Variants in CILP observed in about 807,000 individuals in gnomAD.
The protein encoded by CILP is cartilage intermediate layer protein 1.
Under a neutral mutation model 82.5 loss-of-function variants are expected in CILP, and 75 were observed. The observed-to-expected ratio is 0.91, with a 90% CI of 0.75 to 1.10. The LOEUF (loss-of-function observed/expected upper bound fraction) is 1.10. CILP is among the 50% of genes least tolerant of loss of function. CILP has a pLI of 0.00. For synonymous variants in CILP, 530 were observed against 580.3 expected, an observed-to-expected ratio of 0.91 and a Z score of 1.25; for missense variants, 1,479 against 1,530.8, an observed-to-expected ratio of 0.97 and a Z score of 0.56.
At chr15:65,204,741 A>T (rs1021483704) in intron 5 of CILP, among the ~76,000 whole-genome samples, 159 bp from the exon 6 acceptor site, 10 of 152,182 alleles carry the variant, frequency 6.6e-5, no homozygotes, top group African/African-American at 2.4e-4. Flanking sequence ...TCCCAAGGCC[A>T]GGCGTGGTGG....
At position 65,197,425 on chromosome 15, in the gene CILP, C is replaced by A; in HGVS notation, c.2861G>T (p.Cys954Phe). 1 of 1,614,260 alleles carries A rather than the reference C, an allele frequency of 6.2e-7. No homozygotes were observed. The highest frequency in any genetic ancestry group is 1.3e-5 in the African/African-American group (1 of 75,072). ...CCCCACAATCTTCACCTTGATATAG[C>A]AGGCCCTGAATTCCATCGGCTTTGG... ...WWPKPMEFRA[C>F]YIKVKIVGPL... is the part of the protein sequence containing the mutation. Residue 954 changes from cysteine (C) to phenylalanine (F), a missense_variant, in exon 9 of 9, where the codon TGC becomes TTC. Physicochemically the swap from Cys to Phe is radical, Grantham distance 205 (BLOSUM62 -2). Transcript: ENST00000261883.
rs576849274 is a variant in CILP, at chr15:65,196,539, G to C, written c.*192C>G. On this transcript the variant is annotated 3_prime_UTR_variant, in exon 9 of 9. Coordinates refer to ENST00000261883, the MANE Select transcript of CILP (RefSeq NM_003613.4). ...ATTTAAAGAACAGTTTCACAAAGGG[G>C]CTTTATTGTGCCATTGTGGGGGCCA... 6 of 477,982 alleles carry C rather than the reference G, an allele frequency of 1.3e-5. No individual in the cohort carries two copies. Among genetic ancestry groups the C allele is most frequent in the Non-Finnish European group, 2.2e-5 (6 of 275,870 alleles). The allele number at this position is 477,982 out of a possible 1,614,324, so 29.6% of individuals were successfully genotyped here. A position where few individuals can be genotyped will look rare whatever the true frequency, so the allele number is the denominator to read the frequency against.
rs1246601271 is a variant in CILP at position 65,203,390 on chromosome 15, C to G, written c.1000G>C (p.Gly334Arg). 6.2e-7 allele frequency: 1 copy of G among 1,613,566 alleles called. No individual in the cohort carries two copies. Reference protein sequence around the residue: ...QSVSLCCKATGKPRPDKYFWY... With the variant: ...QSVSLCCKATRKPRPDKYFWY... ...AAATACTTGTCTGGCCTGGGCTTCC[C>G]TGTGGCCTTACAGCACAGAGACACG... Residue 334 changes from glycine (G) to arginine (R), a missense_variant, in exon 7 of 9, where the codon GGG becomes CGG. Gly to Arg is a moderately radical substitution (Grantham distance 125, BLOSUM62 -2). Coordinates refer to ENST00000261883, the MANE Select transcript of CILP (RefSeq NM_003613.4).
Position 65,198,152 on chromosome 15 carries a change from C to T in CILP, c.2134G>A (p.Gly712Ser), listed in dbSNP as rs1450704476. The change falls in exon 9 of 9, where the codon GGT (glycine) becomes AGT (serine). Residue 712 changes from glycine to serine, a missense_variant. Transcript: ENST00000261883. ...CTTTGATTTTCAAATTTGAAATCAC[C>T]TTCCTCCTCCCACAGCCCTGTGTCT... ...NPDTGLWEEE[G>S]DFKFENQRRN... The T allele has an allele frequency of 3.7e-6, 6 of 1,614,090 alleles. No individual in the cohort carries two copies. In the East Asian group the frequency reaches 6.7e-5, roughly 18 times the overall value.
chr15:65,206,726 C>G, intron 4 of CILP, 56 bp downstream of exon 4: 1 of 1,559,752 alleles, frequency 6.4e-7, no homozygotes, highest in Non-Finnish European at 8.7e-7. Context: ...TTCTCCCTCT[C>G]CCTGAGTAGA....
At position 65,205,482 on chromosome 15, in the gene CILP, A is replaced by G; in HGVS notation, c.425-16T>C. On this transcript the variant is annotated splice_polypyrimidine_tract_variant and intron_variant, in intron 4 of 8. Transcript: ENST00000261883. ...CGCAGGGATCCTGCAAAGTGAGATC[A>G]GCAGACGGTCTGATTTCCCTCTTGA... The G allele has an allele frequency of 1.9e-6, 3 of 1,582,960 alleles. No individual in the cohort carries two copies. Among genetic ancestry groups the G allele is most frequent in the Non-Finnish European group, 2.6e-6 (3 of 1,157,848 alleles).
intron 6 of CILP, 57 bp downstream of exon 6, chr15:65,204,210 TC>T: frequency 6.7e-7 from 1 of 1,499,786 alleles, no homozygotes; most frequent in Middle Eastern, 1.7e-4. Context: ...AGCACTATAA[TC>T]CCTTTATTTA....
rs112257464 is a variant in CILP, at chr15:65,207,616, C to T, written c.154+56G>A. ...ATGCCCTGGCTTCAGAGATCCACTTCGGAAGCTCGTTAAAGGCTGCCCCTC... is the reference window on the plus strand; with the variant it reads ...ATGCCCTGGCTTCAGAGATCCACTTTGGAAGCTCGTTAAAGGCTGCCCCTC... On this transcript the variant is annotated intron_variant, in intron 3 of 8. Coordinates refer to ENST00000261883, the MANE Select transcript of CILP (RefSeq NM_003613.4). 3.5e-4 allele frequency: 523 copies of T among 1,495,008 alleles called. 6 individuals carry two copies. The African/African-American group carries it at 5.5e-3, about 16-fold the overall frequency. 92.6% of individuals were successfully genotyped at this position (1,495,008 alleles called of 1,614,324 possible).
rs762763739 is a variant in CILP, at chr15:65,206,836, G to A, written c.370C>T (p.Gln124Ter). The change falls in exon 4 of 9, where the codon CAG becomes TAG. Residue 124 changes from glutamine to a stop codon, truncating the protein, a stop_gained. Transcript: ENST00000261883. LOFTEE classifies it high-confidence loss of function. ...REGFWCLNRE[Q>*]RPGQNCSNYT... ...TTAGAGCAGTTCTGGCCAGGCCGCT[G>A]CTCCCTGTTGAGGCACCAGAAACCC... is the stretch of plus-strand genomic sequence containing the variant. 10 of 1,614,032 alleles carry A rather than the reference G, an allele frequency of 6.2e-6. No individual in the cohort carries two copies. In the South Asian group the frequency reaches 9.9e-5, roughly 16 times the overall value.
chr15:65,203,117 G>A (rs112407044), intron 7 of CILP, among the ~76,000 whole-genome samples: 51 of 152,250 alleles, frequency 3.3e-4, no homozygotes, highest in African/African-American at 1.2e-3. Context: ...GATTACAGGC[G>A]TGAGCTACTG....
intron 2 of CILP, among the ~76,000 whole-genome samples, chr15:65,208,406 G>A (rs1280095959): frequency 6.6e-6 from 1 of 152,126 alleles, no homozygotes; most frequent in African/African-American, 2.4e-5. Flanking sequence ...TCCTGCCTTA[G>A]AGTATTGTGG....
chr15:65,196,496 G>T lies in CILP; in HGVS notation c.*235C>A. 1 of 427,040 alleles carries T rather than the reference G, an allele frequency of 2.3e-6. No individual in the cohort carries two copies. Among genetic ancestry groups the T allele is most frequent in the Non-Finnish European group, 4.1e-6 (1 of 242,310 alleles). The allele number at this position is 427,040 out of a possible 1,614,324, so 26.5% of individuals were successfully genotyped here. A position where few individuals can be genotyped will look rare whatever the true frequency, so the allele number is the denominator to read the frequency against. On this transcript the variant is annotated 3_prime_UTR_variant, in exon 9 of 9. Coordinates refer to ENST00000261883, the MANE Select transcript of CILP (RefSeq NM_003613.4). Reference sequence around the variant, plus strand: ...TTGAAGCTGCAGAGTTTTACCAGTGGCCAATTTCTTGTGTTTCATTTAAAG... The same window carrying T: ...TTGAAGCTGCAGAGTTTTACCAGTGTCCAATTTCTTGTGTTTCATTTAAAG...
In CILP at chr15:65,209,690, T is replaced by G. The variant is rs1448403262; in HGVS notation, c.61+5A>C. The G allele has an allele frequency of 2.5e-6, 4 of 1,613,800 alleles. No individual in the cohort carries two copies. The Admixed American group carries it at 5.0e-5, about 20-fold the overall frequency. On this transcript the variant is annotated splice_donor_5th_base_variant and intron_variant, in intron 2 of 8. Transcript: ENST00000261883. ...TTTGGGAGCCAGCAGATACTTAGCC[T>G]ATACCCAACACAGATGTGACTTCCA...
chr15:65,211,425 C>T lies in CILP; in HGVS notation c.-107+3G>A, dbSNP rs1337948314. 1.3e-5 allele frequency: 2 copies of T among 152,552 alleles called. No homozygotes were observed. The highest frequency in any genetic ancestry group is 4.8e-5 in the African/African-American group (2 of 41,388). 9.4% of individuals were successfully genotyped at this position (152,552 alleles called of 1,614,324 possible). On this transcript the variant is annotated splice_donor_region_variant and intron_variant, in intron 1 of 8. Coordinates refer to ENST00000261883, the MANE Select transcript of CILP (RefSeq NM_003613.4). The stretch of plus-strand genomic sequence containing the variant: ...GGGTGAGGGGAATAGGAGTGGAGCT[C>T]ACCGTGTCTTGAGCAGGACTCCTCA...
chr15:65,208,510 G>A (rs576651730), intron 2 of CILP, among the ~76,000 whole-genome samples: 1 of 152,164 alleles, frequency 6.6e-6, no homozygotes, highest in African/African-American at 2.4e-5. Context: ...TTAGCTCAAC[G>A]CCAGAATAGA....
Position 65,206,958 on chromosome 15 carries a change from T to A in CILP, c.248A>T (p.Asp83Val). 1 of 1,613,972 alleles carries A rather than the reference T, an allele frequency of 6.2e-7. No homozygotes were observed. The highest frequency in any genetic ancestry group is 8.5e-7 in the Non-Finnish European group (1 of 1,179,988). Residue 83 changes from aspartate to valine, a missense_variant, in exon 4 of 9, where the codon GAC (aspartate) becomes GTC (valine). Coordinates refer to ENST00000261883, the MANE Select transcript of CILP (RefSeq NM_003613.4). Reference protein sequence around the residue: ...RLDAIRFYYGDRVCARPLRLE... With the variant: ...RLDAIRFYYGVRVCARPLRLE... ...CCGCAGGGGACGGGCACATACACGG[T>A]CCCCATAGTAGAAGCGAATGGCGTC...
intron 6 of CILP, 76 bp downstream of exon 6, chr15:65,204,192 C>T (rs576380817): frequency 7.1e-7 from 1 of 1,402,458 alleles, no homozygotes; most frequent in Admixed American, 2.2e-5. Context: ...GCTGGGAAGC[C>T]AGCTTTTAGC....
At chr15:65,201,771 A>G in intron 8 of CILP, 101 bp downstream of exon 8, 1 of 700,982 alleles carries the variant, frequency 1.4e-6, no homozygotes, top group Non-Finnish European at 2.1e-6. Context: ...AAAGAAAAGA[A>G]AAAAGAAAAG....
intron 8 of CILP, 117 bp downstream of exon 8, chr15:65,201,755 G>GAAAGA (rs1402183232): frequency 4.2e-6 from 2 of 473,862 alleles, no homozygotes; most frequent in East Asian, 3.7e-5. Flanking sequence ...AAAAAAGAAA[G>GAAAGA]AAAGAAAAGA....
Sources: gnomAD v4.1 joint callset for allele counts (sites outside exome capture counted in the v4.1 genomes callset) on GRCh38, gnomAD v4.1.1 for gene constraint, MANE v1.5 for transcripts, NCBI Gene and HGNC (gene_info 2026-07-23, HGNC 2026-07-21) for gene names.